Variants in JMJD6 observed in about 807,000 individuals in gnomAD.
JMJD6 encodes bifunctional arginine demethylase and lysyl-hydroxylase JMJD6.
A neutral mutation model predicts 45.8 loss-of-function variants in JMJD6; 17 were observed. The ratio of observed to expected loss-of-function variants is 0.37; its 90% CI spans 0.25 to 0.56. The LOEUF is 0.56. Ranked by LOEUF, JMJD6 falls within the 20% of genes least tolerant of loss-of-function variation. JMJD6 has a pLI of 0.79. For synonymous variants in JMJD6, 221 were observed against 196.3 expected (o/e 1.13, Z -1.05); for missense variants, 470 against 517.5 (o/e 0.91, Z 0.89).
intron 3 of JMJD6, among the ~76,000 whole-genome samples, chr17:76,722,475 G>GACTTT (rs2143731279): frequency 6.6e-6 from 1 of 152,280 alleles, no homozygotes; most frequent in East Asian, 1.9e-4. Flanking sequence ...CCAGCACTTT[G>GACTTT]GGAGGCTGAG....
At chr17:76,717,757 A>G (rs1181763278), downstream of JMJD6, among the ~76,000 whole-genome samples, 2 of 151,914 alleles carry the variant, frequency 1.3e-5, no homozygotes, top group African/African-American at 4.8e-5. Flanking sequence ...TTGGGAGGCC[A>G]AGGTGGGCGG....
chr17:76,724,078 A>G lies in JMJD6; in HGVS notation c.519-20T>C. 1 of 1,609,938 alleles carries G rather than the reference A, an allele frequency of 6.2e-7. No homozygotes were observed. On this transcript the variant is annotated intron_variant, in intron 2 of 5. Transcript: ENST00000397625. ...AACCACCTACAGAATGGAGATATCC[A>G]AGATGTGAAGTGTAATTTACTTACA...
rs2076802568 is a variant in JMJD6 at position 76,719,982 on chromosome 17, A to G, written c.1080+378T>C. On this transcript the variant is annotated intron_variant, in intron 5 of 5. Transcript: ENST00000397625. ...GTATACAGAGTTTATAGTCTCTACTAAAAATACAAAAAATTAGCTGGGTGT... is the reference window on the plus strand; with the variant it reads ...GTATACAGAGTTTATAGTCTCTACTGAAAATACAAAAAATTAGCTGGGTGT... Among the ~76,000 whole-genome samples, 6 of 152,302 alleles carry G rather than the reference A, an allele frequency of 3.9e-5. No individual in the cohort carries two copies. The South Asian group carries it at 1.2e-3, about 32-fold the overall frequency.
chr17:76,716,843 T>C (rs2076768579), downstream of JMJD6: 1 of 879,990 alleles, frequency 1.1e-6, no homozygotes, highest in East Asian at 2.4e-5. Context: ...GGCAGGGCTT[T>C]CTCCAGAGTT....
rs755067473 is a variant in JMJD6 at position 76,725,423 on chromosome 17, A to AG, written c.518+43_518+44insC. Reference sequence around the variant, plus strand: ...CTCTGTCTCAAAAAAAAAAAAAAAAAAAAAAGAAAAGGATTTTAACCACTT... The same window carrying AG: ...CTCTGTCTCAAAAAAAAAAAAAAAAAGAAAAAGAAAAGGATTTTAACCACTT... On this transcript the variant is annotated intron_variant, in intron 2 of 5. Coordinates refer to ENST00000397625, the MANE Select transcript of JMJD6 (RefSeq NM_015167.3). 150 of 1,504,004 alleles carry AG rather than the reference A, an allele frequency of 1.0e-4. No individual in the cohort carries two copies. The South Asian group carries it at 1.3e-3, about 13-fold the overall frequency. 93.2% of individuals were successfully genotyped at this position (1,504,004 alleles called of 1,614,324 possible). A position where few individuals can be genotyped will look rare whatever the true frequency, so the allele number is the denominator to read the frequency against.
chr17:76,718,681 G>T lies in JMJD6; in HGVS notation c.*48C>A. 1 of 1,597,210 alleles carries T rather than the reference G, an allele frequency of 6.3e-7. No individual in the cohort carries two copies. Among genetic ancestry groups the T allele is most frequent in the Non-Finnish European group, 8.5e-7 (1 of 1,171,394 alleles). On this transcript the variant is annotated 3_prime_UTR_variant, in exon 6 of 6. Transcript: ENST00000397625. ...GGACAGGCCACCCTCCCCAGGCCCT[G>T]CCCTTGCCGCGAGCGTGTCCTTCCA...
rs1269576033 is a variant in JMJD6 at position 76,718,813 on chromosome 17, C to T, written c.1128G>A (p.Lys376=). 18 of 1,614,252 alleles carry T rather than the reference C, an allele frequency of 1.1e-5. No individual in the cohort carries two copies. Among genetic ancestry groups the T allele is most frequent in the Non-Finnish European group, 1.5e-5 (18 of 1,180,040 alleles). Residue 376 remains lysine (K), a synonymous_variant, in exon 6 of 6, where the codon AAG becomes AAA. Coordinates refer to ENST00000397625, the MANE Select transcript of JMJD6 (RefSeq NM_015167.3). The part of the protein sequence containing the change: ...EGDGTVHRRK[K]RRTCSMVGNG... ...TTCCCACCATGCTGCACGTCCTCCT[C>T]TTCTTCCTGCGGTGCACTGTCCCAT... is the stretch of plus-strand genomic sequence containing the variant.
At chr17:76,720,590 C>T in intron 4 of JMJD6, 92 bp from the exon 5 acceptor site, 1 of 1,305,788 alleles carries the variant, frequency 7.7e-7, no homozygotes, top group Non-Finnish European at 1.1e-6. Context: ...CTCTCAGAAA[C>T]ACCTGGGAAT....
In JMJD6 at chr17:76,724,092, A is replaced by G. The variant is rs752614070; in HGVS notation, c.519-34T>C. ...TGGAGATATCCAAGATGTGAAGTGTAATTTACTTACACACATACCACACAA... is the reference window on the plus strand; with the variant it reads ...TGGAGATATCCAAGATGTGAAGTGTGATTTACTTACACACATACCACACAA... On this transcript the variant is annotated intron_variant, in intron 2 of 5. Transcript: ENST00000397625. The G allele has an allele frequency of 7.5e-6, 12 of 1,605,922 alleles. No homozygotes were observed. In the East Asian group the frequency reaches 2.0e-4, roughly 27 times the overall value.
At chr17:76,716,112 T>A (rs993250286), downstream of JMJD6, 4 of 152,438 alleles carry the variant, frequency 2.6e-5, no homozygotes, top group Admixed American at 2.6e-4. Context: ...CCCCTGAAAT[T>A]TCAGTCTCTA....
intron 3 of JMJD6, 103 bp from the exon 4 acceptor site, chr17:76,722,036 C>G (rs2076831929): frequency 8.2e-7 from 1 of 1,225,182 alleles, no homozygotes; most frequent in South Asian, 1.4e-5. Context: ...TAAGGGAGAG[C>G]CTACAGAGAC....
At chr17:76,726,304 G>T in intron 1 of JMJD6, 43 bp downstream of exon 1, 1 of 1,527,212 alleles carries the variant, frequency 6.5e-7, no homozygotes, top group Non-Finnish European at 8.8e-7. Context: ...AGCGGCTGGA[G>T]GTGCCGATGC....
intron 5 of JMJD6, among the ~76,000 whole-genome samples, 175 bp from the exon 6 acceptor site, chr17:76,719,035 C>T (rs1301600124): frequency 6.6e-6 from 1 of 152,214 alleles, no homozygotes; most frequent in Non-Finnish European, 1.5e-5. Flanking sequence ...TTGGATGTTC[C>T]TGGCTCCCTA....
At chr17:76,716,618 G>A (rs774265044), downstream of JMJD6, 75 of 1,442,142 alleles carry the variant, frequency 5.2e-5, no homozygotes, top group African/African-American at 8.4e-5. Flanking sequence ...CAGAAGATGC[G>A]AGAACTGAGT....
In JMJD6 at chr17:76,718,480, A is replaced by G. The variant is rs966980520; in HGVS notation, c.*249T>C. ...AAATGGATTCAATTTTTATTAAATAATGTAAAGGATTTTCTTGGCACTATT... is the reference window on the plus strand; with the variant it reads ...AAATGGATTCAATTTTTATTAAATAGTGTAAAGGATTTTCTTGGCACTATT... On this transcript the variant is annotated 3_prime_UTR_variant, in exon 6 of 6. Transcript: ENST00000397625. 9 of 1,315,330 alleles carry G rather than the reference A, an allele frequency of 6.8e-6. No individual in the cohort carries two copies. The highest frequency in any genetic ancestry group is 3.8e-5 in the Admixed American group (1 of 26,454). 81.5% of individuals were successfully genotyped at this position (1,315,330 alleles called of 1,614,324 possible).
chr17:76,723,566 G>A (rs1295376587), intron 3 of JMJD6, among the ~76,000 whole-genome samples: 6 of 150,988 alleles, frequency 4.0e-5, no homozygotes, highest in African/African-American at 1.5e-4. Context: ...TCAGCCTCCC[G>A]AGTGGCTGGG....
chr17:76,725,512 T>C lies in JMJD6; in HGVS notation c.473A>G (p.Asp158Gly). The change falls in exon 2 of 6, where the codon GAT becomes GGT. Residue 158 changes from aspartate (D) to glycine (G), a missense_variant. Asp to Gly is a moderately conservative substitution (Grantham distance 94). Transcript: ENST00000397625. ...CTCCCCAGCATACTGGAAAAGGTCA[T>C]CAGTGAAAAACTTTGGCACCTTGTA... The part of the protein sequence containing the change: ...EDYKVPKFFT[D>G]DLFQYAGEKR... The C allele has an allele frequency of 1.2e-6, 2 of 1,613,438 alleles. No homozygotes were observed. Among genetic ancestry groups the C allele is most frequent in the Non-Finnish European group, 1.7e-6 (2 of 1,179,762 alleles).
intron 5 of JMJD6, among the ~76,000 whole-genome samples, chr17:76,719,941 G>A (rs1056724389): frequency 1.3e-5 from 2 of 152,120 alleles, no homozygotes; most frequent in African/African-American, 2.4e-5. Flanking sequence ...GGTCAACACA[G>A]TGAAGCCCTA....
At chr17:76,724,278 C>T (rs1341976447) in intron 2 of JMJD6, among the ~76,000 whole-genome samples, 1 of 151,868 alleles carries the variant, frequency 6.6e-6, no homozygotes, top group South Asian at 2.1e-4. Flanking sequence ...CACACCACCA[C>T]GCCTGGCTAA....
Sources: gnomAD v4.1 joint callset for allele counts (sites outside exome capture counted in the v4.1 genomes callset) on GRCh38, gnomAD v4.1.1 for gene constraint, MANE v1.5 for transcripts, NCBI Gene and HGNC (gene_info 2026-07-23, HGNC 2026-07-21) for gene names.